HSD17B6: variants seen among roughly 807,000 people sequenced by gnomAD.
HSD17B6 encodes the protein 17-beta-hydroxysteroid dehydrogenase type 6.
A neutral mutation model predicts 26.4 loss-of-function variants in HSD17B6; 16 were observed. The observed-to-expected ratio is 0.61, with a 90% CI of 0.41 to 0.92. The LOEUF (loss-of-function observed/expected upper bound fraction) is 0.92, where lower values mean the gene tolerates loss of function less well. Among genes scored for constraint, HSD17B6 ranks in the 40% least tolerant of loss-of-function variants. The probability of loss-of-function intolerance (pLI) is 0.00; values close to 1 mark genes in which losing one functional copy is unlikely to be tolerated. For missense variants in HSD17B6, 357 were observed against 386.1 expected (o/e 0.92, Z 0.63); for synonymous variants, 139 against 153.0 (o/e 0.91, Z 0.68).
At chr12:56,780,371 A>G (rs938035660) in intron 2 of HSD17B6, among the ~76,000 whole-genome samples, 2 of 152,252 alleles carry the variant, frequency 1.3e-5, no homozygotes, top group African/African-American at 2.4e-5. Flanking sequence ...TGTAATAAAG[A>G]AATCAATGTA....
At chr12:56,765,634 C>T (rs539893379) in intron 1 of HSD17B6, among the ~76,000 whole-genome samples, 1 of 151,368 alleles carries the variant, frequency 6.6e-6, no homozygotes, top group African/African-American at 2.4e-5. Context: ...GTGTCAGCCT[C>T]CAGAGTAGCT....
At chr12:56,770,739 T>C (rs1592359385) in intron 1 of HSD17B6, among the ~76,000 whole-genome samples, 2 of 152,268 alleles carry the variant, frequency 1.3e-5, no homozygotes, top group Middle Eastern at 3.4e-3. Context: ...GCAGGCATCA[T>C]GATAAACCCA....
intron 4 of HSD17B6, 67 bp from the exon 5 acceptor site, chr12:56,787,058 G>A (rs1954890110): frequency 8.1e-7 from 1 of 1,236,148 alleles, no homozygotes; most frequent in African/African-American, 1.5e-5. Context: ...TGAGACTTCT[G>A]TGACTGCATG....
At chr12:56,773,797 A>G in intron 1 of HSD17B6, 37 bp from the exon 2 acceptor site, 1 of 1,497,870 alleles carries the variant, frequency 6.7e-7, no homozygotes, top group Admixed American at 2.3e-5. Flanking sequence ...TGGTTAAATA[A>G]TAAGGAAGGA....
intron 2 of HSD17B6, among the ~76,000 whole-genome samples, chr12:56,780,840 CAAAAAAA>C (rs59227954): frequency 4.3e-3 from 275 of 64,104 alleles, no homozygotes; most frequent in African/African-American, 0.015. Flanking sequence ...GACTCCGTCT[CAAAAAAA>C]AAAAAAAAAA....
intron 1 of HSD17B6, among the ~76,000 whole-genome samples, chr12:56,771,037 A>G (rs545781081): frequency 2.6e-5 from 4 of 152,204 alleles, no homozygotes; most frequent in Non-Finnish European, 5.9e-5. Flanking sequence ...CCTCTTGGGC[A>G]CTGGTCAGCC....
Position 56,774,040 on chromosome 12 carries a change from A to G in HSD17B6, c.188A>G (p.Glu63Gly), listed in dbSNP as rs1163363585. The change falls in exon 2 of 5, where the codon GAG becomes GGG. Residue 63 changes from glutamate to glycine, a missense_variant. Coordinates refer to ENST00000322165, the MANE Select transcript of HSD17B6 (RefSeq NM_003725.4). Reference sequence around the variant, plus strand: ...AGAGTGCTGGCTGCGTGTCTGACGGAGAAGGGGGCCGAGCAGCTGAGGGGC... The same window carrying G: ...AGAGTGCTGGCTGCGTGTCTGACGGGGAAGGGGGCCGAGCAGCTGAGGGGC... ...GLRVLAACLT[E>G]KGAEQLRGQT... 1 of 1,613,982 alleles carries G rather than the reference A, an allele frequency of 6.2e-7. No homozygotes were observed. The highest frequency in any genetic ancestry group is 1.3e-5 in the African/African-American group (1 of 74,894).
chr12:56,778,801 A>G (rs1954649028), intron 2 of HSD17B6, among the ~76,000 whole-genome samples: 1 of 151,284 alleles, frequency 6.6e-6, no homozygotes, highest in Non-Finnish European at 1.5e-5. Flanking sequence ...CAGCCTTACA[A>G]GTAGCTGGGT....
intron 1 of HSD17B6, chr12:56,770,520 C>T (rs1954446483): frequency 6.6e-6 from 1 of 152,282 alleles, no homozygotes; most frequent in African/African-American, 2.4e-5. Flanking sequence ...CATCAGCTTG[C>T]TTTTTCCTAC....
chr12:56,782,096 T>G lies in HSD17B6; in HGVS notation c.436T>G (p.Leu146Val), dbSNP rs143952608. 1,072 of 1,614,188 alleles carry G rather than the reference T, an allele frequency of 6.6e-4. 1 individual carries two copies. The highest frequency in any genetic ancestry group is 7.8e-4 in the Non-Finnish European group (923 of 1,180,032). Residue 146 changes from leucine (L) to valine (V), a missense_variant, in exon 3 of 5, where the codon TTG becomes GTG. Transcript: ENST00000322165. ...VNLIGVIQVT[L>V]SMLPLVRRAR... ...CCTCATTGGTGTGATCCAGGTGACC[T>G]TGAGCATGCTTCCTTTGGTGAGGAG...
intron 2 of HSD17B6, among the ~76,000 whole-genome samples, chr12:56,775,248 C>A (rs867523078): frequency 3.3e-5 from 5 of 152,092 alleles, no homozygotes; most frequent in Admixed American, 6.6e-5. Context: ...AAACATAATT[C>A]TTTATATTTG....
intron 3 of HSD17B6, among the ~76,000 whole-genome samples, chr12:56,783,068 G>A (rs1038803331): frequency 1.3e-5 from 2 of 152,224 alleles, no homozygotes; most frequent in East Asian, 1.9e-4. Flanking sequence ...GCAACCATCC[G>A]ATTTCTCAAT....
intron 3 of HSD17B6, among the ~76,000 whole-genome samples, chr12:56,783,852 C>T (rs1196639163): frequency 2.6e-5 from 4 of 151,912 alleles, no homozygotes; most frequent in East Asian, 1.9e-4. Flanking sequence ...GGGTGGCTGC[C>T]GGGCGGAGAC....
intron 3 of HSD17B6, among the ~76,000 whole-genome samples, 155 bp downstream of exon 3, chr12:56,782,387 T>G (rs1274496106): frequency 6.6e-6 from 1 of 152,252 alleles, no homozygotes; most frequent in Non-Finnish European, 1.5e-5. Flanking sequence ...GGCTCAAATT[T>G]TCTCATCTGT....
intron 3 of HSD17B6, among the ~76,000 whole-genome samples, chr12:56,782,640 C>T (rs1379107741): frequency 1.3e-5 from 2 of 151,390 alleles, no homozygotes; most frequent in Admixed American, 1.3e-4. Context: ...ACTATGGGTG[C>T]ACGCTGCCAT....
rs371328402 is a variant in HSD17B6 at position 56,764,973 on chromosome 12, C to T, written c.-20+1559C>T. Among the ~76,000 whole-genome samples the T allele has an allele frequency of 1.3e-3, 193 of 152,098 alleles. 1 individual carries two copies. Among genetic ancestry groups the T allele is most frequent in the African/African-American group, 4.4e-3 (182 of 41,536 alleles). ...CTGAGTAGCTGGGATTCCAGGCGCC[C>T]GCCATCACACCTGACTAATTTTTGT... On this transcript the variant is annotated intron_variant, in intron 1 of 4. Coordinates refer to ENST00000322165, the MANE Select transcript of HSD17B6 (RefSeq NM_003725.4).
At chr12:56,784,230 T>C (rs1223378404) in intron 3 of HSD17B6, among the ~76,000 whole-genome samples, 5 of 142,332 alleles carry the variant, frequency 3.5e-5, no homozygotes, top group South Asian at 2.3e-4. Flanking sequence ...ACATCCCAGA[T>C]GATGGGTGGC....
Position 56,785,031 on chromosome 12 carries a change from T to C in HSD17B6, c.736+15T>C, listed in dbSNP as rs1251815718. 6.2e-7 allele frequency: 1 copy of C among 1,605,296 alleles called. No individual in the cohort carries two copies. The highest frequency in any genetic ancestry group is 1.3e-5 in the African/African-American group (1 of 74,410). On this transcript the variant is annotated intron_variant, in intron 4 of 4. Transcript: ENST00000322165. Reference sequence around the variant, plus strand: ...TTTTGATGCCCGTAAGCTTTTTTCTTTTGATAGGGATAATGGGTACCCTGT... The same window carrying C: ...TTTTGATGCCCGTAAGCTTTTTTCTCTTGATAGGGATAATGGGTACCCTGT...
intron 2 of HSD17B6, among the ~76,000 whole-genome samples, chr12:56,778,752 G>T (rs183650505): frequency 1.1e-4 from 16 of 150,910 alleles, no homozygotes; most frequent in African/African-American, 3.7e-4. Context: ...TCGGCTCACG[G>T]CAAGCTCCGC....
Sources: allele counts gnomAD v4.1 joint callset (sites outside exome capture counted in the v4.1 genomes callset), GRCh38; gene constraint gnomAD v4.1.1; transcripts MANE v1.5; gene names NCBI Gene and HGNC (gene_info 2026-07-23, HGNC 2026-07-21).